MARVELD2: variants seen among roughly 807,000 people sequenced by gnomAD.
The protein encoded by MARVELD2 is MARVEL domain-containing protein 2.
A neutral mutation model predicts 57.6 loss-of-function variants in MARVELD2; 49 were observed. The observed-to-expected ratio is 0.85, with a 90% CI of 0.68 to 1.08. MARVELD2 has a LOEUF of 1.08. Among genes scored for constraint, MARVELD2 ranks in the 50% least tolerant of loss-of-function variants. The pLI, the probability that MARVELD2 is intolerant of heterozygous loss-of-function variation, is 0.00. For synonymous variants in MARVELD2, 238 were observed against 258.8 expected (o/e 0.92, Z 0.77); for missense variants, 606 against 701.1 (o/e 0.86, Z 1.53).
intron 3 of MARVELD2, among the ~76,000 whole-genome samples, chr5:69,428,335 C>G (rs146443316): frequency 0.013 from 1,189 of 89,150 alleles, 357 homozygotes; most frequent in African/African-American, 0.046. Flanking sequence ...AATCCCATCT[C>G]TACTAAAAAT....
intron 5 of MARVELD2, among the ~76,000 whole-genome samples, chr5:69,436,538 C>T (rs1180241255): frequency 1.3e-5 from 2 of 151,584 alleles, no homozygotes; most frequent in Non-Finnish European, 1.5e-5. Context: ...AATCACTTAT[C>T]GTTATGAGTT....
At chr5:69,427,948 C>G (rs186246852) in intron 3 of MARVELD2, among the ~76,000 whole-genome samples, 1 of 151,980 alleles carries the variant, frequency 6.6e-6, no homozygotes, top group Non-Finnish European at 1.5e-5. Context: ...CCCATTTCTA[C>G]TAAAAATACA....
At chr5:69,430,607 C>G (rs1466917693) in intron 3 of MARVELD2, among the ~76,000 whole-genome samples, 2 of 151,916 alleles carry the variant, frequency 1.3e-5, no homozygotes, top group African/African-American at 4.8e-5. Flanking sequence ...AATCTCAGCT[C>G]CTTGCCACCT....
In MARVELD2 at chr5:69,442,413, T is replaced by C. The variant is rs1018907247; in HGVS notation, c.*759T>C. The stretch of plus-strand genomic sequence containing the variant: ...TCAACATTTTCAGACATCCTGATCT[T>C]GGGCAAATTGCTTAATCTCTCTGTG... On this transcript the variant is annotated 3_prime_UTR_variant, in exon 7 of 7. Coordinates refer to ENST00000325631, the MANE Select transcript of MARVELD2 (RefSeq NM_001038603.3). 3 of 152,326 alleles carry C rather than the reference T, an allele frequency of 2.0e-5. No homozygotes were observed. Among genetic ancestry groups the C allele is most frequent in the African/African-American group, 7.2e-5 (3 of 41,576 alleles). 9.4% of individuals were successfully genotyped at this position (152,326 alleles called of 1,614,324 possible). A position where few individuals can be genotyped will look rare whatever the true frequency, so the allele number is the denominator to read the frequency against.
At chr5:69,421,540 G>A (rs1046926986) in intron 2 of MARVELD2, among the ~76,000 whole-genome samples, 4 of 152,088 alleles carry the variant, frequency 2.6e-5, no homozygotes, top group Non-Finnish European at 5.9e-5. Flanking sequence ...CCTTATAACA[G>A]CACACACTGA....
rs754982128 is a variant in MARVELD2 at position 69,420,535 on chromosome 5, A to G, written c.1146+4A>G. On this transcript the variant is annotated splice_donor_region_variant and intron_variant, in intron 2 of 6. Coordinates refer to ENST00000325631, the MANE Select transcript of MARVELD2 (RefSeq NM_001038603.3). ...AGAATATATGGAACAACAGGAGGTAAGTGATTTCATAATCCCTCATTTGTG... is the reference window on the plus strand; with the variant it reads ...AGAATATATGGAACAACAGGAGGTAGGTGATTTCATAATCCCTCATTTGTG... The G allele has an allele frequency of 3.7e-6, 6 of 1,608,214 alleles. No individual in the cohort carries two copies. The East Asian group carries it at 8.9e-5, about 24-fold the overall frequency.
chr5:69,438,186 C>T (rs947737394), intron 5 of MARVELD2, among the ~76,000 whole-genome samples: 1 of 152,128 alleles, frequency 6.6e-6, no homozygotes, highest in Non-Finnish European at 1.5e-5. Flanking sequence ...AGTCACATGA[C>T]TTTTCTGAGC....
chr5:69,425,930 A>G (rs1766777379), intron 3 of MARVELD2, among the ~76,000 whole-genome samples: 2 of 151,792 alleles, frequency 1.3e-5, no homozygotes, highest in Non-Finnish European at 1.5e-5. Flanking sequence ...GGGTTTCACC[A>G]TGTTAGCTAG....
At chr5:69,419,168 C>T (rs1228550233) in intron 1 of MARVELD2, 3 of 614,818 alleles carry the variant, frequency 4.9e-6, no homozygotes, top group Admixed American at 2.8e-5. Context: ...TGAAATGATC[C>T]GTCTGTCTTG....
At chr5:69,437,577 G>C (rs564979769) in intron 5 of MARVELD2, among the ~76,000 whole-genome samples, 1 of 151,378 alleles carries the variant, frequency 6.6e-6, no homozygotes, top group African/African-American at 2.4e-5. Context: ...CTTGCTACTC[G>C]GGAGGCTGAG....
Position 69,433,075 on chromosome 5 carries a change from T to C in MARVELD2, c.1485T>C (p.His495=). 2 of 1,611,748 alleles carry C rather than the reference T, an allele frequency of 1.2e-6. No individual in the cohort carries two copies. Among genetic ancestry groups the C allele is most frequent in the Non-Finnish European group, 1.7e-6 (2 of 1,178,804 alleles). The change falls in exon 5 of 7, where the codon CAT becomes CAC. Residue 495 remains histidine, a synonymous_variant. Transcript: ENST00000325631. ...ELDAVMSRLP[H]HSESRQEHER... ...ATGCAGTGATGAGCAGATTGCCACA[T>C]CATTCGGAAAGCCGACAGGTTAGTA... is the stretch of plus-strand genomic sequence containing the variant.
chr5:69,428,044 G>A (rs937590373), intron 3 of MARVELD2, among the ~76,000 whole-genome samples: 7 of 152,066 alleles, frequency 4.6e-5, no homozygotes, highest in African/African-American at 1.7e-4. Context: ...CTGGGAGGCA[G>A]AGGTGGCAGT....
intron 1 of MARVELD2, among the ~76,000 whole-genome samples, chr5:69,416,056 G>A (rs1435085933): frequency 1.3e-5 from 2 of 152,190 alleles, no homozygotes; most frequent in African/African-American, 4.8e-5. Flanking sequence ...AAAATGGATA[G>A]GGTGGTTTGA....
At position 69,432,695 on chromosome 5, in the gene MARVELD2, C is replaced by T; in HGVS notation, c.1331+20C>T. On this transcript the variant is annotated intron_variant, in intron 4 of 6. Transcript: ENST00000325631. ...TGTGGCGTGAGTGTCAGTCTGAATT[C>T]TTCCTCAAGGTAGAAGTTGAGGGGC... 2 of 1,613,976 alleles carry T rather than the reference C, an allele frequency of 1.2e-6. No homozygotes were observed. Among genetic ancestry groups the T allele is most frequent in the African/African-American group, 2.7e-5 (2 of 75,036 alleles).
In MARVELD2 at chr5:69,443,920, A is replaced by G. The variant is rs937217671; in HGVS notation, c.*2266A>G. On this transcript the variant is annotated 3_prime_UTR_variant, in exon 7 of 7. Coordinates refer to ENST00000325631, the MANE Select transcript of MARVELD2 (RefSeq NM_001038603.3). ...CACCTAGGGAAACATGAGGCCCCTT[A>G]TGGGACCCCCCAAATGGAACAACTT... 1 of 150,098 alleles carries G rather than the reference A, an allele frequency of 6.7e-6. No homozygotes were observed. 9.3% of individuals were successfully genotyped at this position (150,098 alleles called of 1,614,324 possible).
At chr5:69,418,120 TAAATA>T (rs1463344873) in intron 1 of MARVELD2, among the ~76,000 whole-genome samples, 1 of 152,016 alleles carries the variant, frequency 6.6e-6, no homozygotes, top group East Asian at 1.9e-4. Flanking sequence ...AAATATTAAA[TAAATA>T]AAACAATAAC....
intron 3 of MARVELD2, among the ~76,000 whole-genome samples, chr5:69,429,531 CA>C (rs1766893444): frequency 6.6e-6 from 1 of 152,152 alleles, no homozygotes; most frequent in African/African-American, 2.4e-5. Context: ...ATCATGTTCC[CA>C]AGCACGATCT....
At chr5:69,427,753 A>G (rs1365259346) in intron 3 of MARVELD2, among the ~76,000 whole-genome samples, 1 of 152,214 alleles carries the variant, frequency 6.6e-6, no homozygotes, top group Non-Finnish European at 1.5e-5. Context: ...CTGGAGCTTA[A>G]TGCAGTCTTC....
At chr5:69,431,500 AAGTAG>A (rs1766962541) in intron 3 of MARVELD2, among the ~76,000 whole-genome samples, 1 of 152,136 alleles carries the variant, frequency 6.6e-6, no homozygotes, top group Non-Finnish European at 1.5e-5. Context: ...CTTTCCATTT[AAGTAG>A]GCTTGTTCCA....
Sources: gnomAD v4.1 joint callset for allele counts (sites outside exome capture counted in the v4.1 genomes callset) on GRCh38, gnomAD v4.1.1 for gene constraint, MANE v1.5 for transcripts, NCBI Gene and HGNC (gene_info 2026-07-23, HGNC 2026-07-21) for gene names.